The following DPY19L3 variants were observed in gnomAD, a reference collection of about 807,000 sequenced individuals.
DPY19L3 encodes dpy-19 like C-mannosyltransferase 3, also known as protein C-mannosyl-transferase DPY19L3.
A neutral mutation model predicts 92.3 loss-of-function variants in DPY19L3; 51 were observed. The observed-to-expected ratio is 0.55, with a 90% CI of 0.44 to 0.70. The LOEUF (loss-of-function observed/expected upper bound fraction) is 0.70. Ranked by LOEUF, DPY19L3 falls within the 30% of genes least tolerant of loss-of-function variation. The pLI, the probability that DPY19L3 is intolerant of heterozygous loss-of-function variation, is 0.00. For missense variants in DPY19L3, 706 were observed against 855.9 expected, an observed-to-expected ratio of 0.82 and a Z score of 2.18; for synonymous variants, 309 against 315.2, an observed-to-expected ratio of 0.98 and a Z score of 0.21.
chr19:32,461,562 G>A (rs535311277), intron 12 of DPY19L3, among the ~76,000 whole-genome samples: 1 of 152,274 alleles, frequency 6.6e-6, no homozygotes, highest in East Asian at 1.9e-4. Flanking sequence ...ACCAGTGTTT[G>A]GGTTGTAATA....
At chr19:32,416,318 C>G (rs1385663177) in intron 3 of DPY19L3, among the ~76,000 whole-genome samples, 2 of 152,214 alleles carry the variant, frequency 1.3e-5, no homozygotes, top group Non-Finnish European at 2.9e-5. Flanking sequence ...ATGGACATGC[C>G]ATTTTCTGTG....
Position 32,439,904 on chromosome 19 carries a change from A to T in DPY19L3, c.849A>T (p.Ala283=). 1 of 1,612,672 alleles carries T rather than the reference A, an allele frequency of 6.2e-7. No individual in the cohort carries two copies. Among genetic ancestry groups the T allele is most frequent in the East Asian group, 2.2e-5 (1 of 44,830 alleles). Residue 283 remains alanine (A), a synonymous_variant, in exon 8 of 19, where the codon GCA becomes GCT. Coordinates refer to ENST00000392250, the MANE Select transcript of DPY19L3 (RefSeq NM_001172774.2). ...TGGACTCCCTGGACATGCTGCCAGC[A>T]GTGAAGGTGAGCTTTGCTTTCTTTT... is the stretch of plus-strand genomic sequence containing the variant. ...FTLDSLDMLP[A]VKATWLYGIQ...
chr19:32,443,073 A>C (rs1047201574), intron 8 of DPY19L3, among the ~76,000 whole-genome samples: 1 of 152,118 alleles, frequency 6.6e-6, no homozygotes, highest in Non-Finnish European at 1.5e-5. Flanking sequence ...CACCACCCAG[A>C]TGTAATAAGC....
intron 8 of DPY19L3, among the ~76,000 whole-genome samples, chr19:32,447,335 G>C (rs1166416258): frequency 2.6e-5 from 4 of 152,042 alleles, no homozygotes; most frequent in Non-Finnish European, 5.9e-5. Flanking sequence ...CCTTAAAAAA[G>C]GGAGCAAAAT....
At chr19:32,456,080 T>TG (rs1969855784) in intron 10 of DPY19L3, among the ~76,000 whole-genome samples, 1 of 46,106 alleles carries the variant, frequency 2.2e-5, no homozygotes. Context: ...CACTATGTTC[T>TG]TTTTTTTTTT....
At chr19:32,461,047 G>A (rs966675603) in intron 12 of DPY19L3, among the ~76,000 whole-genome samples, 2 of 152,092 alleles carry the variant, frequency 1.3e-5, no homozygotes, top group African/African-American at 4.8e-5. Flanking sequence ...TGTATTTTTA[G>A]TAGAAACAGG....
intron 17 of DPY19L3, among the ~76,000 whole-genome samples, chr19:32,478,931 A>T (rs1453550897): frequency 2.6e-5 from 4 of 152,002 alleles, no homozygotes; most frequent in Admixed American, 2.6e-4. Context: ...GGTTGTTGAC[A>T]TCTGTAGTGT....
intron 16 of DPY19L3, among the ~76,000 whole-genome samples, chr19:32,473,705 C>T (rs79280010): frequency 4.1e-4 from 62 of 152,312 alleles, no homozygotes; most frequent in African/African-American, 1.3e-3. Flanking sequence ...AGGTTTACCA[C>T]GGAGCTGGCG....
At chr19:32,430,170 C>G (rs577174867) in intron 3 of DPY19L3, among the ~76,000 whole-genome samples, 3 of 152,302 alleles carry the variant, frequency 2.0e-5, no homozygotes, top group South Asian at 2.1e-4. Flanking sequence ...AGGAGGATCA[C>G]TTAAGCTCAG....
intron 8 of DPY19L3, among the ~76,000 whole-genome samples, chr19:32,443,567 CCAG>C (rs1455762727): frequency 1.6e-3 from 238 of 152,260 alleles, no homozygotes; most frequent in Non-Finnish European, 2.4e-3. Context: ...ACTGAATCTG[CCAG>C]TTCCTTGATC....
At chr19:32,411,559 A>T in intron 3 of DPY19L3, 187 bp downstream of exon 3, 1 of 469,932 alleles carries the variant, frequency 2.1e-6, no homozygotes, top group Non-Finnish European at 3.6e-6. Flanking sequence ...CTTTTTTTAA[A>T]TTTTTCTTTA....
intron 8 of DPY19L3, among the ~76,000 whole-genome samples, chr19:32,446,631 T>C (rs948277471): frequency 1.3e-5 from 2 of 152,224 alleles, no homozygotes; most frequent in African/African-American, 4.8e-5. Flanking sequence ...CAGAACATTA[T>C]ATAATGATAA....
chr19:32,409,042 A>G (rs974077112), intron 2 of DPY19L3, among the ~76,000 whole-genome samples: 1 of 152,270 alleles, frequency 6.6e-6, no homozygotes, highest in Admixed American at 6.5e-5. Flanking sequence ...AATTCTTACC[A>G]GCCAGGCTAG....
chr19:32,472,597 T>A (rs1446300505), intron 16 of DPY19L3, among the ~76,000 whole-genome samples: 2 of 152,140 alleles, frequency 1.3e-5, no homozygotes, highest in Non-Finnish European at 2.9e-5. Flanking sequence ...TTTTAAAGGT[T>A]TTCTGTGCAA....
chr19:32,467,916 T>C lies in DPY19L3; in HGVS notation c.1615-815T>C, dbSNP rs1285734171. Reference sequence around the variant, plus strand: ...TTTAGAAAACCTTAAGTACTCAAGTTGACCAGGAGGCACCAAGTGGTATAA... The same window carrying C: ...TTTAGAAAACCTTAAGTACTCAAGTCGACCAGGAGGCACCAAGTGGTATAA... On this transcript the variant is annotated intron_variant, in intron 15 of 18. Coordinates refer to ENST00000392250, the MANE Select transcript of DPY19L3 (RefSeq NM_001172774.2). 3.0e-6 allele frequency: 3 copies of C among 985,302 alleles called. No homozygotes were observed. The African/African-American group carries it at 5.2e-5, about 17-fold the overall frequency. The allele number at this position is 985,302 out of a possible 1,614,324, so 61.0% of individuals were successfully genotyped here.
chr19:32,448,736 A>G (rs1969599641), intron 8 of DPY19L3, among the ~76,000 whole-genome samples: 1 of 152,202 alleles, frequency 6.6e-6, no homozygotes, highest in Non-Finnish European at 1.5e-5. Context: ...CAGAGGCAGA[A>G]GAAAATCTAT....
At chr19:32,428,317 A>T (rs1968838201) in intron 3 of DPY19L3, among the ~76,000 whole-genome samples, 1 of 151,932 alleles carries the variant, frequency 6.6e-6, no homozygotes. Context: ...TTTTTTAAAC[A>T]TGAGTTGTTT....
chr19:32,449,527 G>A (rs7247519), intron 8 of DPY19L3, among the ~76,000 whole-genome samples: 132,689 of 152,174 alleles, frequency 0.87, 58,205 homozygotes, highest in African/African-American at 0.97. Flanking sequence ...AAAACTTACT[G>A]CAAAGCTATA....
chr19:32,422,764 A>G (rs901346965), intron 3 of DPY19L3, among the ~76,000 whole-genome samples: 4 of 152,190 alleles, frequency 2.6e-5, no homozygotes, highest in Non-Finnish European at 5.9e-5. Context: ...GCCTAGAAAA[A>G]TCATTAGCAG....
Sources: allele counts gnomAD v4.1 joint callset (sites outside exome capture counted in the v4.1 genomes callset), GRCh38; gene constraint gnomAD v4.1.1; transcripts MANE v1.5; gene names NCBI Gene and HGNC (gene_info 2026-07-23, HGNC 2026-07-21).